The following PCDHGB2 variants were observed in gnomAD, a reference collection of about 807,000 sequenced individuals.
PCDHGB2 encodes protocadherin gamma-B2.
In PCDHGB2, 55 loss-of-function variants were observed where a neutral mutation model predicts 59.3. The observed-to-expected ratio is 0.93, with a 90% CI of 0.75 to 1.16. The LOEUF (loss-of-function observed/expected upper bound fraction) is 1.16. Among genes scored for constraint, PCDHGB2 ranks in the 50% most tolerant of loss-of-function variants. PCDHGB2 has a pLI of 0.00. For synonymous variants in PCDHGB2, 516 were observed against 512.0 expected, an observed-to-expected ratio of 1.01 and a Z score of -0.11; for missense variants, 1,228 against 1,198.5, an observed-to-expected ratio of 1.02 and a Z score of -0.36.
intron 1 of PCDHGB2, chr5:141,375,374 C>T: frequency 2.5e-6 from 4 of 1,613,952 alleles, no homozygotes; most frequent in Non-Finnish European, 3.4e-6. Flanking sequence ...AGGAACACCA[C>T]CTCTGTCTAC....
At chr5:141,365,565 G>C (rs140294664) in intron 1 of PCDHGB2, 1 of 1,613,720 alleles carries the variant, frequency 6.2e-7, no homozygotes, top group Non-Finnish European at 8.5e-7. Flanking sequence ...GACCTGGACA[G>C]AGAAGAGACT....
At chr5:141,388,034 C>T in intron 1 of PCDHGB2, 2 of 1,423,576 alleles carry the variant, frequency 1.4e-6, no homozygotes, top group Non-Finnish European at 1.9e-6. Flanking sequence ...TGGGGAACCT[C>T]GCCACGGACC....
At chr5:141,447,390 G>A (rs1048677634) in intron 1 of PCDHGB2, among the ~76,000 whole-genome samples, 4 of 151,976 alleles carry the variant, frequency 2.6e-5, no homozygotes, top group Admixed American at 6.6e-5. Flanking sequence ...TGCCCACCTC[G>A]GCCTCCCAAA....
At chr5:141,390,352 A>C (rs1340044054) in intron 1 of PCDHGB2, 1 of 1,557,524 alleles carries the variant, frequency 6.4e-7, no homozygotes, top group African/African-American at 1.4e-5. Context: ...GAAAATATAC[A>C]TATTTGCAGG....
intron 1 of PCDHGB2, among the ~76,000 whole-genome samples, chr5:141,469,162 G>A (rs2099192596): frequency 6.6e-6 from 1 of 152,062 alleles, no homozygotes; most frequent in Admixed American, 6.6e-5. Flanking sequence ...TGTAGTCCCA[G>A]CTACTTGGGA....
chr5:141,399,143 A>G (rs750976328), intron 1 of PCDHGB2: 12 of 1,613,780 alleles, frequency 7.4e-6, no homozygotes, highest in Admixed American at 3.3e-5. Context: ...GAAAATGACA[A>G]TAGCCCAGAA....
At chr5:141,497,745 G>C (rs1475395529) in intron 2 of PCDHGB2, among the ~76,000 whole-genome samples, 1 of 152,070 alleles carries the variant, frequency 6.6e-6, no homozygotes, top group Non-Finnish European at 1.5e-5. Flanking sequence ...CGCCACGTTG[G>C]CCAGGCTGGT....
chr5:141,475,739 T>C (rs190533989), intron 1 of PCDHGB2, among the ~76,000 whole-genome samples: 593 of 152,384 alleles, frequency 3.9e-3, no homozygotes, highest in Non-Finnish European at 6.7e-3. Flanking sequence ...TTCCCTAAGG[T>C]AGGTTTCCTA....
intron 1 of PCDHGB2, among the ~76,000 whole-genome samples, chr5:141,456,808 C>CA (rs1316636483): frequency 6.6e-5 from 10 of 151,878 alleles, no homozygotes; most frequent in Admixed American, 6.6e-4. Flanking sequence ...ACTAAAAATA[C>CA]AAAAAATTAG....
At position 141,490,006 on chromosome 5, in the gene PCDHGB2, C is replaced by T; in HGVS notation, c.2422-4801C>T. The stretch of plus-strand genomic sequence containing the variant: ...ACGTGTGGGAATCCCAGAGAATGCA[C>T]CCATTGGTACTCTGCTGCTCCGCCT... On this transcript the variant is annotated intron_variant, in intron 1 of 3. Coordinates refer to ENST00000522605, the MANE Select transcript of PCDHGB2 (RefSeq NM_018923.3). This position sits in a 1 kb window ranked among gnomAD's most constrained non-coding sequence, Gnocchi z 5.4. 2 of 1,614,222 alleles carry T rather than the reference C, an allele frequency of 1.2e-6. No homozygotes were observed. The highest frequency in any genetic ancestry group is 1.7e-6 in the Non-Finnish European group (2 of 1,180,010).
At chr5:141,492,606 C>G (rs1019615566) in intron 1 of PCDHGB2, among the ~76,000 whole-genome samples, 3 of 152,232 alleles carry the variant, frequency 2.0e-5, no homozygotes, top group African/African-American at 7.2e-5. Flanking sequence ...GACTGCCGCT[C>G]TAAGTGCCGG....
intron 1 of PCDHGB2, chr5:141,370,799 A>G: frequency 6.2e-7 from 1 of 1,614,032 alleles, no homozygotes; most frequent in Non-Finnish European, 8.5e-7. Context: ...CCTTTAGCCA[A>G]AATATCACTG....
At chr5:141,365,192 A>G (rs1163553261) in intron 1 of PCDHGB2, 2 of 1,613,812 alleles carry the variant, frequency 1.2e-6, no homozygotes, top group African/African-American at 2.7e-5. Context: ...AGAAGAAAAA[A>G]TTTCGGAGAC....
At chr5:141,423,318 G>T (rs1165459779) in intron 1 of PCDHGB2, 17 of 1,614,006 alleles carry the variant, frequency 1.1e-5, no homozygotes, top group South Asian at 8.8e-5. Context: ...TGGTGGTGGC[G>T]GTGGCCGCAG....
chr5:141,400,717 G>C (rs2094065619), intron 1 of PCDHGB2: 1 of 672,320 alleles, frequency 1.5e-6, no homozygotes. Context: ...TAGCCTTATA[G>C]ATTTACAAAG....
intron 1 of PCDHGB2, chr5:141,427,774 G>T: frequency 1.4e-6 from 2 of 1,420,908 alleles, no homozygotes; most frequent in Non-Finnish European, 2.0e-6. Context: ...TTGGAGCTGC[G>T]GGCACTGTCG....
chr5:141,383,951 C>G lies in PCDHGB2; in HGVS notation c.2421+21395C>G, dbSNP rs1365918560. 5 of 1,613,676 alleles carry G rather than the reference C, an allele frequency of 3.1e-6. No homozygotes were observed. In the African/African-American group the frequency reaches 6.7e-5, roughly 22 times the overall value. On this transcript the variant is annotated intron_variant, in intron 1 of 3. Transcript: ENST00000522605. ...AATGCTCCAGAAGTGACTATGACGT[C>G]TTTAAGTAGCTCAATCCCTGAAGAC...
chr5:141,418,085 A>C lies in PCDHGB2; in HGVS notation c.2421+55529A>C, dbSNP rs1235378254. On this transcript the variant is annotated intron_variant, in intron 1 of 3. Transcript: ENST00000522605. The stretch of plus-strand genomic sequence containing the variant: ...AGTGAGCGCGGAGAAGCTGCACTTC[A>C]GCGTAGACGCGCAGAGCGGGGACTT... The C allele has an allele frequency of 2.5e-6, 4 of 1,613,936 alleles. No homozygotes were observed. The highest frequency in any genetic ancestry group is 3.4e-6 in the Non-Finnish European group (4 of 1,179,908).
chr5:141,469,376 A>T (rs572466149), intron 1 of PCDHGB2, among the ~76,000 whole-genome samples: 1 of 152,232 alleles, frequency 6.6e-6, no homozygotes, highest in East Asian at 1.9e-4. Flanking sequence ...AGAGATCGAG[A>T]CCATCCTGGC....
Sources: gnomAD v4.1 joint callset for allele counts (sites outside exome capture counted in the v4.1 genomes callset) on GRCh38, gnomAD v4.1.1 for gene constraint, Gnocchi (gnomAD v3.1) non-coding constraint, MANE v1.5 for transcripts, NCBI Gene and HGNC (gene_info 2026-07-23, HGNC 2026-07-21) for gene names.